Variants in NDUFS4 observed in about 807,000 individuals in gnomAD.
The protein encoded by NDUFS4 is NADH dehydrogenase [ubiquinone] iron-sulfur protein 4, mitochondrial.
A neutral mutation model predicts 24.3 loss-of-function variants in NDUFS4; 28 were observed. That is an observed-to-expected ratio of 1.15 (90% CI 0.85 to 1.58). NDUFS4 has a LOEUF of 1.58. NDUFS4 is among the 40% of genes most tolerant of loss of function. The probability of loss-of-function intolerance (pLI) is 0.00; values close to 1 mark genes in which losing one functional copy is unlikely to be tolerated. For synonymous variants in NDUFS4, 93 were observed against 69.7 expected, an observed-to-expected ratio of 1.34 and a Z score of -1.67; for missense variants, 223 against 207.9, an observed-to-expected ratio of 1.07 and a Z score of -0.45.
chr5:53,578,967 G>A (rs777012769), intron 1 of NDUFS4, among the ~76,000 whole-genome samples: 10 of 151,990 alleles, frequency 6.6e-5, no homozygotes, highest in Non-Finnish European at 1.2e-4. Flanking sequence ...GTGACCTCCC[G>A]TGCACTCCCC....
intron 1 of NDUFS4, among the ~76,000 whole-genome samples, chr5:53,597,516 A>G (rs1386738231): frequency 1.3e-5 from 2 of 152,196 alleles, no homozygotes; most frequent in African/African-American, 2.4e-5. Context: ...AAAGGGACAT[A>G]GTATTAGTAC....
At chr5:53,605,709 A>G (rs2607483) in intron 2 of NDUFS4, among the ~76,000 whole-genome samples, 31,079 of 151,978 alleles carry the variant, frequency 0.2, 3,698 homozygotes, top group East Asian at 0.46. Context: ...GACTGTTCTC[A>G]TATTGTTATA....
chr5:53,626,349 G>C (rs1290686163), intron 2 of NDUFS4, among the ~76,000 whole-genome samples: 1 of 152,100 alleles, frequency 6.6e-6, no homozygotes, highest in African/African-American at 2.4e-5. Context: ...ATAAACATGT[G>C]TGCCTGTGTC....
At position 53,584,806 on chromosome 5, in the gene NDUFS4, C is replaced by T. The variant is rs191632344; in HGVS notation, c.99-18646C>T. Among the ~76,000 whole-genome samples the T allele has an allele frequency of 1.1e-4, 16 of 152,070 alleles. No individual in the cohort carries two copies. The East Asian group carries it at 1.9e-3, about 18-fold the overall frequency. ...TTGTTTTGAGATAGTCTCACTCTGT[C>T]GCCCAAGGTGGAGTGCTGTGGCGGG... is the stretch of plus-strand genomic sequence containing the variant. On this transcript the variant is annotated intron_variant, in intron 1 of 4. Coordinates refer to ENST00000296684, the MANE Select transcript of NDUFS4 (RefSeq NM_002495.4).
At chr5:53,589,229 T>C (rs1193920658) in intron 1 of NDUFS4, among the ~76,000 whole-genome samples, 1 of 152,228 alleles carries the variant, frequency 6.6e-6, no homozygotes, top group Non-Finnish European at 1.5e-5. Flanking sequence ...CATCATACAA[T>C]TTAAATTCTC....
intron 1 of NDUFS4, among the ~76,000 whole-genome samples, chr5:53,576,450 C>T (rs1441503309): frequency 1.3e-5 from 2 of 152,182 alleles, no homozygotes; most frequent in Non-Finnish European, 2.9e-5. Context: ...ATGACAGCTA[C>T]TATTTCAGAT....
At chr5:53,646,515 C>T in intron 3 of NDUFS4, 110 bp downstream of exon 3, 1 of 1,114,868 alleles carries the variant, frequency 9.0e-7, no homozygotes, top group Non-Finnish European at 1.3e-6. Context: ...TATGACAGTA[C>T]TTTTTGACGC....
At chr5:53,591,173 A>G (rs907795191) in intron 1 of NDUFS4, among the ~76,000 whole-genome samples, 3 of 152,168 alleles carry the variant, frequency 2.0e-5, no homozygotes, top group African/African-American at 7.2e-5. Context: ...TTACACATTC[A>G]TCTGCCAGTG....
intron 3 of NDUFS4, among the ~76,000 whole-genome samples, chr5:53,655,737 A>T (rs1752142791): frequency 6.6e-6 from 1 of 152,182 alleles, no homozygotes. Context: ...TTACTGATAG[A>T]TCCACCTTGA....
intron 2 of NDUFS4, among the ~76,000 whole-genome samples, chr5:53,613,331 G>A (rs1456569452): frequency 6.6e-6 from 1 of 152,008 alleles, no homozygotes; most frequent in Non-Finnish European, 1.5e-5. Flanking sequence ...TCTTTGAAGG[G>A]TAGACAGGAG....
Position 53,683,204 on chromosome 5 carries a change from A to AGAG in NDUFS4, c.512_514dup (p.Arg171_Val172insGly), listed in dbSNP as rs1425486695. On this transcript the variant is annotated inframe_insertion, in exon 5 of 5. Coordinates refer to ENST00000296684, the MANE Select transcript of NDUFS4 (RefSeq NM_002495.4). ...AAACTTTTCTTGGAACAAAAGAACA[A>AGAG]GAGTATCCACAAAATAGGTTGGCAC... The AGAG allele has an allele frequency of 5.0e-6, 8 of 1,609,030 alleles. No homozygotes were observed. The highest frequency in any genetic ancestry group is 2.2e-5 in the East Asian group (1 of 44,778).
chr5:53,573,256 T>A (rs1213717688), intron 1 of NDUFS4, among the ~76,000 whole-genome samples: 1 of 152,124 alleles, frequency 6.6e-6, no homozygotes, highest in Non-Finnish European at 1.5e-5. Context: ...ATTACAGGTG[T>A]GAGCCACTGC....
chr5:53,634,788 A>G (rs1277215771), intron 2 of NDUFS4, among the ~76,000 whole-genome samples: 2 of 151,406 alleles, frequency 1.3e-5, no homozygotes, highest in African/African-American at 4.9e-5. Context: ...ATGTTATATA[A>G]GTTCCAGGTA....
intron 1 of NDUFS4, among the ~76,000 whole-genome samples, chr5:53,568,972 A>T (rs13190232): frequency 0.076 from 11,552 of 152,216 alleles, 550 homozygotes; most frequent in Middle Eastern, 0.11. Flanking sequence ...CACTTCACAC[A>T]TAAGTAAATG....
chr5:53,630,250 C>T (rs1751369862), intron 2 of NDUFS4, among the ~76,000 whole-genome samples: 1 of 152,178 alleles, frequency 6.6e-6, no homozygotes, highest in Non-Finnish European at 1.5e-5. Context: ...GAGAGATCTG[C>T]TGTTAGTCTG....
intron 4 of NDUFS4, among the ~76,000 whole-genome samples, chr5:53,681,910 T>TACTA (rs774466523): frequency 1.3e-5 from 2 of 152,144 alleles, no homozygotes; most frequent in Admixed American, 6.6e-5. Flanking sequence ...TAAAACTGAA[T>TACTA]ACTAACTAAG....
intron 1 of NDUFS4, among the ~76,000 whole-genome samples, chr5:53,580,754 T>C (rs200337297): frequency 2.1e-5 from 3 of 141,394 alleles, no homozygotes; most frequent in African/African-American, 6.3e-5. Flanking sequence ...TTCCTTCCTT[T>C]CTCTTTCTTT....
intron 4 of NDUFS4, among the ~76,000 whole-genome samples, chr5:53,660,741 TG>T (rs1462975685): frequency 6.6e-6 from 1 of 152,238 alleles, no homozygotes; most frequent in East Asian, 1.9e-4. Context: ...TGCATTTCTC[TG>T]ATGGCCAGTG....
intron 4 of NDUFS4, among the ~76,000 whole-genome samples, chr5:53,663,948 C>G (rs574823005): frequency 1.3e-5 from 2 of 151,884 alleles, no homozygotes; most frequent in African/African-American, 4.8e-5. Context: ...TACAATTTAT[C>G]ATGTGTTTGC....
Sources: gnomAD v4.1 joint callset for allele counts (sites outside exome capture counted in the v4.1 genomes callset) on GRCh38, gnomAD v4.1.1 for gene constraint, MANE v1.5 for transcripts, NCBI Gene and HGNC (gene_info 2026-07-23, HGNC 2026-07-21) for gene names.